The following KCNB2 variants were observed in gnomAD, a reference collection of about 807,000 sequenced individuals.
KCNB2 encodes delayed rectifier potassium channel protein.
Under a neutral mutation model 61.5 loss-of-function variants are expected in KCNB2, and 15 were observed. The ratio of observed to expected loss-of-function variants is 0.24; its 90% confidence interval spans 0.16 to 0.38. The LOEUF is 0.38. KCNB2 is among the 10% of genes least tolerant of loss of function. The pLI, the probability that KCNB2 is intolerant of heterozygous loss-of-function variation, is 1.00. For synonymous variants in KCNB2, 457 were observed against 446.0 expected (o/e 1.02, Z -0.31); for missense variants, 828 against 1,125.2 (o/e 0.74, Z 3.78).
chr8:72,802,219 C>T (rs1809145325), intron 2 of KCNB2, among the ~76,000 whole-genome samples: 1 of 152,154 alleles, frequency 6.6e-6, no homozygotes, highest in Admixed American at 6.5e-5. Context: ...GATTTCAGTC[C>T]TATAAGGCAG....
intron 2 of KCNB2, among the ~76,000 whole-genome samples, chr8:72,686,672 G>T (rs569978546): frequency 3.2e-4 from 49 of 152,280 alleles, no homozygotes; most frequent in African/African-American, 1.1e-3. Context: ...GTTCGGTAAT[G>T]ACCTCTCAGA....
At chr8:72,669,557 T>TC (rs1554582983) in intron 2 of KCNB2, among the ~76,000 whole-genome samples, 2 of 152,080 alleles carry the variant, frequency 1.3e-5, no homozygotes, top group Admixed American at 1.3e-4. Flanking sequence ...TTTTGAAATT[T>TC]AAAAAAAACC....
In KCNB2 at chr8:72,846,906, A is replaced by G. The variant is rs934456160; in HGVS notation, c.580-89029A>G. On this transcript the variant is annotated intron_variant, in intron 2 of 2. Coordinates refer to ENST00000523207, the MANE Select transcript of KCNB2 (RefSeq NM_004770.3). ...CATTTGACCCAGCCATCCCATTACT[A>G]GGTATATACCCAAAGGATTATAAAT... 6.6e-5 allele frequency among the ~76,000 whole-genome samples: 10 copies of G among 152,294 alleles called. No individual in the cohort carries two copies. The East Asian group carries it at 1.5e-3, about 23-fold the overall frequency.
chr8:72,668,999 C>T (rs1396516050), intron 2 of KCNB2, among the ~76,000 whole-genome samples: 1 of 151,954 alleles, frequency 6.6e-6, no homozygotes, highest in African/African-American at 2.4e-5. Flanking sequence ...TTTTATAAAT[C>T]TTTCTAATTT....
chr8:72,658,266 AAC>A (rs1379287358), intron 2 of KCNB2, among the ~76,000 whole-genome samples: 2 of 152,278 alleles, frequency 1.3e-5, no homozygotes, highest in African/African-American at 4.8e-5. Flanking sequence ...AAGAAAAAGA[AAC>A]AACTTTATTG....
At chr8:72,868,134 C>T (rs1007495343) in intron 2 of KCNB2, among the ~76,000 whole-genome samples, 5 of 149,496 alleles carry the variant, frequency 3.3e-5, no homozygotes, top group Middle Eastern at 3.2e-3. Flanking sequence ...TTCAATGGTG[C>T]AATCATAGCT....
At chr8:72,749,513 C>T (rs1301050813) in intron 2 of KCNB2, 3 of 151,676 alleles carry the variant, frequency 2.0e-5, no homozygotes, top group Non-Finnish European at 2.9e-5. Flanking sequence ...TTACGGACTC[C>T]ATATATAATG....
intron 1 of KCNB2, among the ~76,000 whole-genome samples, chr8:72,557,508 G>A (rs1471244156): frequency 3.3e-5 from 5 of 152,156 alleles, no homozygotes; most frequent in East Asian, 1.9e-4. Context: ...TCCTAGGAGT[G>A]AGTGAGTATA....
At chr8:72,813,029 A>G (rs1406306506) in intron 2 of KCNB2, among the ~76,000 whole-genome samples, 1 of 152,156 alleles carries the variant, frequency 6.6e-6, no homozygotes, top group African/African-American at 2.4e-5. Flanking sequence ...TGAGCCAAAC[A>G]CTGTACTTGG....
intron 2 of KCNB2, among the ~76,000 whole-genome samples, chr8:72,833,104 C>T (rs889599739): frequency 2.6e-5 from 4 of 151,910 alleles, no homozygotes; most frequent in Admixed American, 6.6e-5. Flanking sequence ...TTTGACAAGG[C>T]GTTAAAAGAG....
chr8:72,814,004 C>G (rs1298389659), intron 2 of KCNB2, among the ~76,000 whole-genome samples: 2 of 152,172 alleles, frequency 1.3e-5, no homozygotes, highest in East Asian at 3.9e-4. Context: ...TATCCCTCCC[C>G]CTACAACCCA....
At chr8:72,871,680 C>A (rs1244704069) in intron 2 of KCNB2, among the ~76,000 whole-genome samples, 1 of 152,174 alleles carries the variant, frequency 6.6e-6, no homozygotes, top group African/African-American at 2.4e-5. Flanking sequence ...ATTCTTAATT[C>A]TCTTATTTCC....
At position 72,650,943 on chromosome 8, in the gene KCNB2, C is replaced by T. The variant is rs574110202; in HGVS notation, c.579+82630C>T. 9.9e-5 allele frequency among the ~76,000 whole-genome samples: 15 copies of T among 152,126 alleles called. No individual in the cohort carries two copies. The East Asian group carries it at 1.5e-3, about 16-fold the overall frequency. On this transcript the variant is annotated intron_variant, in intron 2 of 2. Transcript: ENST00000523207. ...TGGCAGCCAAGATTTATTTAATAGA[C>T]GAATACATTTGGAAACCTCTAGATA...
chr8:72,847,807 G>T (rs1810023501), intron 2 of KCNB2, among the ~76,000 whole-genome samples: 2 of 152,164 alleles, frequency 1.3e-5, no homozygotes, highest in East Asian at 1.9e-4. Context: ...CCAGGCAAAT[G>T]GTTGAGAGAC....
chr8:72,627,255 C>T (rs1489087045), intron 2 of KCNB2, among the ~76,000 whole-genome samples: 2 of 152,150 alleles, frequency 1.3e-5, no homozygotes, highest in Admixed American at 1.3e-4. Context: ...AATGCTGAAT[C>T]TTCTTTAGAG....
intron 2 of KCNB2, among the ~76,000 whole-genome samples, chr8:72,822,588 C>T (rs1343409649): frequency 1.3e-5 from 2 of 152,192 alleles, no homozygotes; most frequent in African/African-American, 2.4e-5. Flanking sequence ...TTTCTGCTTA[C>T]CTCTCGCCAC....
At chr8:72,561,806 A>C (rs1806541409) in intron 1 of KCNB2, among the ~76,000 whole-genome samples, 1 of 116,156 alleles carries the variant, frequency 8.6e-6, no homozygotes, top group Admixed American at 1.0e-4. Context: ...TATATATATG[A>C]ATGATAGTTT....
intron 2 of KCNB2, among the ~76,000 whole-genome samples, chr8:72,895,102 A>T (rs1374231821): frequency 6.6e-6 from 1 of 152,226 alleles, no homozygotes; most frequent in Non-Finnish European, 1.5e-5. Flanking sequence ...TTAGGCATCT[A>T]TAATGACAGA....
chr8:72,783,447 G>C (rs943267281), intron 2 of KCNB2, among the ~76,000 whole-genome samples: 1 of 152,066 alleles, frequency 6.6e-6, no homozygotes, highest in African/African-American at 2.4e-5. Context: ...TGAGTATGCA[G>C]GTTTCTCTTA....
Sources: gnomAD v4.1 joint callset for allele counts (sites outside exome capture counted in the v4.1 genomes callset) on GRCh38, gnomAD v4.1.1 for gene constraint, MANE v1.5 for transcripts, NCBI Gene and HGNC (gene_info 2026-07-23, HGNC 2026-07-21) for gene names.